The following NKAIN3 variants were observed in gnomAD, a reference collection of about 807,000 sequenced individuals.
The protein encoded by NKAIN3 is sodium/potassium-transporting ATPase subunit beta-1-interacting protein 3.
In NKAIN3, 25 loss-of-function variants were observed where a neutral mutation model predicts 30.2. The observed-to-expected ratio is 0.83, with a 90% CI of 0.60 to 1.16. The LOEUF (loss-of-function observed/expected upper bound fraction) is 1.16. NKAIN3 is among the 50% of genes most tolerant of loss of function. NKAIN3 has a pLI of 0.00. For synonymous variants in NKAIN3, 91 were observed against 89.6 expected (o/e 1.02, Z -0.09); for missense variants, 225 against 254.1 (o/e 0.89, Z 0.78).
intron 1 of NKAIN3, among the ~76,000 whole-genome samples, chr8:62,553,060 G>T (rs1222020074): frequency 6.6e-6 from 1 of 152,142 alleles, no homozygotes; most frequent in Non-Finnish European, 1.5e-5. Context: ...GGGGAAGAAT[G>T]ACATTGTGTA....
chr8:62,923,175 G>A (rs927568402), intron 5 of NKAIN3, among the ~76,000 whole-genome samples: 1 of 152,010 alleles, frequency 6.6e-6, no homozygotes, highest in Non-Finnish European at 1.5e-5. Flanking sequence ...GTGTGTGCCT[G>A]TGGTCCCAGC....
chr8:62,643,604 ACTGTGGATTCC>A (rs1234809957), intron 3 of NKAIN3, among the ~76,000 whole-genome samples: 1 of 152,062 alleles, frequency 6.6e-6, no homozygotes, highest in Non-Finnish European at 1.5e-5. Context: ...ATCTGAAGGA[ACTGTGGATTCC>A]CTGTCTCAGA....
chr8:62,452,211 C>G (rs1343794494), intron 1 of NKAIN3, among the ~76,000 whole-genome samples: 1 of 152,108 alleles, frequency 6.6e-6, no homozygotes, highest in East Asian at 1.9e-4. Flanking sequence ...TGCAGTGGCT[C>G]ACATCTGTAA....
chr8:62,604,221 G>A (rs180870831), intron 3 of NKAIN3, among the ~76,000 whole-genome samples: 282 of 152,238 alleles, frequency 1.9e-3, no homozygotes, highest in African/African-American at 6.6e-3. Context: ...ACTGAATGGA[G>A]GCAACAAGGT....
At chr8:62,945,229 G>A (rs1563328) in intron 5 of NKAIN3, among the ~76,000 whole-genome samples, 48,043 of 152,006 alleles carry the variant, frequency 0.32, 8,040 homozygotes, top group African/African-American at 0.39. Context: ...AGTAAAGCAG[G>A]GAAGGAGATA....
At chr8:62,997,555 T>C (rs577573890) in intron 5 of NKAIN3, among the ~76,000 whole-genome samples, 2 of 152,246 alleles carry the variant, frequency 1.3e-5, no homozygotes, top group South Asian at 2.1e-4. Flanking sequence ...TGAGATGTAA[T>C]GGAGTGAGAA....
intron 3 of NKAIN3, among the ~76,000 whole-genome samples, chr8:62,701,480 C>A (rs1204594762): frequency 1.3e-5 from 2 of 152,156 alleles, no homozygotes; most frequent in African/African-American, 4.8e-5. Context: ...AAAGACGTGG[C>A]AGGCAGTGAA....
At chr8:62,870,437 A>G (rs975331632) in intron 4 of NKAIN3, among the ~76,000 whole-genome samples, 2 of 136,856 alleles carry the variant, frequency 1.5e-5, no homozygotes, top group African/African-American at 2.7e-5. Flanking sequence ...TATACAATAT[A>G]TACATATTAT....
In NKAIN3 at chr8:62,823,003, G is replaced by A. The variant is rs188019963; in HGVS notation, c.471+75874G>A. Among the ~76,000 whole-genome samples, 224 of 152,244 alleles carry A rather than the reference G, an allele frequency of 1.5e-3. 1 individual carries two copies. The highest frequency in any genetic ancestry group is 5.2e-3 in the African/African-American group (215 of 41,558). On this transcript the variant is annotated intron_variant, in intron 4 of 6. Transcript: ENST00000623646. ...ATAGAACAGGTACAGTAAAAATGTAGGTGGTATAAAAGATTTAAAATGGTA... is the reference window on the plus strand; with the variant it reads ...ATAGAACAGGTACAGTAAAAATGTAAGTGGTATAAAAGATTTAAAATGGTA...
At chr8:62,524,720 T>C (rs1049362921) in intron 1 of NKAIN3, among the ~76,000 whole-genome samples, 3 of 152,150 alleles carry the variant, frequency 2.0e-5, no homozygotes, top group African/African-American at 7.2e-5. Context: ...TGCAAAGGTT[T>C]TAAGCGGAAG....
At chr8:62,306,109 G>A (rs1035608579) in intron 1 of NKAIN3, among the ~76,000 whole-genome samples, 6 of 150,652 alleles carry the variant, frequency 4.0e-5, no homozygotes, top group Admixed American at 3.9e-4. Flanking sequence ...TACACCATTT[G>A]TGTTAATAGA....
At chr8:62,761,648 C>T (rs1816667662) in intron 4 of NKAIN3, among the ~76,000 whole-genome samples, 1 of 152,162 alleles carries the variant, frequency 6.6e-6, no homozygotes, top group African/African-American at 2.4e-5. Flanking sequence ...GAGCTTCTGG[C>T]CCTATGCTTT....
intron 4 of NKAIN3, among the ~76,000 whole-genome samples, chr8:62,802,086 A>G (rs1275025084): frequency 6.6e-6 from 1 of 152,190 alleles, no homozygotes; most frequent in African/African-American, 2.4e-5. Flanking sequence ...ATAAAAGGAA[A>G]TGAACAAAGC....
intron 1 of NKAIN3, among the ~76,000 whole-genome samples, chr8:62,415,174 A>T (rs1341421371): frequency 7.0e-6 from 1 of 142,026 alleles, no homozygotes; most frequent in South Asian, 2.1e-4. Context: ...TATATAATAT[A>T]TATTATATTA....
chr8:62,357,595 A>G (rs2129592222), intron 1 of NKAIN3, among the ~76,000 whole-genome samples: 1 of 152,228 alleles, frequency 6.6e-6, no homozygotes, highest in East Asian at 1.9e-4. Context: ...TTGTTTGGCA[A>G]AACATCTGTT....
intron 5 of NKAIN3, among the ~76,000 whole-genome samples, chr8:62,922,721 T>C (rs1822319458): frequency 6.6e-6 from 1 of 151,900 alleles, no homozygotes; most frequent in Non-Finnish European, 1.5e-5. Flanking sequence ...CCATTAAGAA[T>C]CTACTGATTC....
chr8:62,562,342 A>G (rs982011585), intron 1 of NKAIN3, among the ~76,000 whole-genome samples: 1 of 152,188 alleles, frequency 6.6e-6, no homozygotes, highest in African/African-American at 2.4e-5. Context: ...AAACACCCAC[A>G]TAAAGTTGAC....
chr8:62,831,320 C>T (rs1819191479), intron 4 of NKAIN3, among the ~76,000 whole-genome samples: 1 of 152,072 alleles, frequency 6.6e-6, no homozygotes, highest in South Asian at 2.1e-4. Flanking sequence ...ATTATGGCTC[C>T]ATGAAAAACC....
At chr8:62,517,369 C>T (rs1343193834) in intron 1 of NKAIN3, among the ~76,000 whole-genome samples, 2 of 148,860 alleles carry the variant, frequency 1.3e-5, no homozygotes, top group Non-Finnish European at 2.9e-5. Flanking sequence ...ATAGGTAACT[C>T]TCTAGGGCAA....
Sources: allele counts gnomAD v4.1 joint callset (sites outside exome capture counted in the v4.1 genomes callset), GRCh38; gene constraint gnomAD v4.1.1; transcripts MANE v1.5; gene names NCBI Gene and HGNC (gene_info 2026-07-23, HGNC 2026-07-21).